The following CYRIB variants were observed in gnomAD, a reference collection of about 807,000 sequenced individuals.
CYRIB encodes CYFIP-related Rac1 interactor B.
Under a neutral mutation model 44.2 loss-of-function variants are expected in CYRIB, and 8 were observed. The observed-to-expected ratio is 0.18, with a 90% CI of 0.11 to 0.33. CYRIB has a LOEUF of 0.33. CYRIB is among the 10% of genes least tolerant of loss of function. The pLI is 1.00. For missense variants in CYRIB, 185 were observed against 382.8 expected (o/e 0.48, Z 4.31); for synonymous variants, 131 against 127.2 (o/e 1.03, Z -0.20).
At chr8:129,942,196 G>A (rs1248488668), upstream of CYRIB, among the ~76,000 whole-genome samples, 1 of 152,120 alleles carries the variant, frequency 6.6e-6, no homozygotes, top group Admixed American at 6.5e-5. Context: ...AAAATTAGCT[G>A]GGCGTGGTGG....
Position 129,877,696 on chromosome 8 carries a change from G to A in CYRIB, c.73+1693C>T, listed in dbSNP as rs1422070364. 4.9e-5 allele frequency among the ~76,000 whole-genome samples: 7 copies of A among 142,082 alleles called. 1 individual carries two copies. In the South Asian group the frequency reaches 1.4e-3, roughly 28 times the overall value. 93.2% of individuals were successfully genotyped at this position (142,082 alleles called of 152,430 possible). A position where few individuals can be genotyped will look rare whatever the true frequency, so the allele number is the denominator to read the frequency against. On this transcript the variant is annotated intron_variant, in intron 3 of 11. Transcript: ENST00000519824. ...TGTGTGTGTGTGTGTGTGTGTGTGTGTATAAAATGATCCAAACACTCCCAC... is the reference window on the plus strand; with the variant it reads ...TGTGTGTGTGTGTGTGTGTGTGTGTATATAAAATGATCCAAACACTCCCAC...
intron 1 of CYRIB, among the ~76,000 whole-genome samples, chr8:129,911,177 C>T (rs1472518384): frequency 6.6e-6 from 1 of 152,160 alleles, no homozygotes; most frequent in East Asian, 1.9e-4. Context: ...CTAAGTACTT[C>T]CTATGTTTTA....
intron 5 of CYRIB, among the ~76,000 whole-genome samples, chr8:129,858,835 T>C (rs1251222027): frequency 6.6e-6 from 1 of 152,194 alleles, no homozygotes; most frequent in Non-Finnish European, 1.5e-5. Flanking sequence ...CCCTTAGGTA[T>C]CTGCCTCAAC....
chr8:129,881,921 C>T (rs961207273), intron 2 of CYRIB, among the ~76,000 whole-genome samples: 1 of 152,144 alleles, frequency 6.6e-6, no homozygotes, highest in East Asian at 1.9e-4. Context: ...AATCATCACA[C>T]CCAAATAATT....
intron 6 of CYRIB, among the ~76,000 whole-genome samples, chr8:129,855,152 C>G (rs1180379010): frequency 6.6e-6 from 1 of 152,096 alleles, no homozygotes; most frequent in Non-Finnish European, 1.5e-5. Context: ...TAAATGAAGA[C>G]TGCTGAGACA....
At position 129,951,705 on chromosome 8, in the gene CYRIB, CAA is replaced by C. The variant is rs35141996; in HGVS notation, c.-243+19236_-243+19237del. On this transcript the variant is annotated intron_variant, in intron 2 of 14. Coordinates refer to the CYRIB transcript ENST00000401979. Reference sequence around the variant, plus strand: ...TGGGTAACAGAGCGAGACTCCATCTCAAAAAAAAAAAAGAAAGAAAATGGTAG... The same window carrying C: ...TGGGTAACAGAGCGAGACTCCATCTCAAAAAAAAAAGAAAGAAAATGGTAG... Among the ~76,000 whole-genome samples, 727 of 144,896 alleles carry C rather than the reference CAA, an allele frequency of 5.0e-3. 3 individuals are homozygous for C. The highest frequency in any genetic ancestry group is 6.7e-3 in the Non-Finnish European group (442 of 65,866).
upstream of CYRIB, among the ~76,000 whole-genome samples, chr8:129,943,001 T>C (rs1404131187): frequency 1.3e-5 from 2 of 152,196 alleles, no homozygotes; most frequent in East Asian, 3.8e-4. Flanking sequence ...TATTTATTAT[T>C]AAATCAGTTT....
intron 1 of CYRIB, among the ~76,000 whole-genome samples, chr8:129,918,121 T>C (rs1187711548): frequency 6.6e-6 from 1 of 152,142 alleles, no homozygotes; most frequent in African/African-American, 2.4e-5. Context: ...CACCCTGTTT[T>C]TAACTATGCA....
chr8:129,926,675 G>C (rs1265982986), intron 1 of CYRIB, among the ~76,000 whole-genome samples: 1 of 152,166 alleles, frequency 6.6e-6, no homozygotes, highest in Non-Finnish European at 1.5e-5. Flanking sequence ...AATGAAGCTG[G>C]ATCCTGAGAT....
intron 1 of CYRIB, among the ~76,000 whole-genome samples, chr8:129,990,968 T>C (rs1239832900): frequency 6.6e-6 from 1 of 151,730 alleles, no homozygotes; most frequent in Non-Finnish European, 1.5e-5. Flanking sequence ...CCATCTCTAC[T>C]AAAAAGACAA....
chr8:129,922,778 G>C (rs533617787), intron 1 of CYRIB, among the ~76,000 whole-genome samples: 35 of 151,794 alleles, frequency 2.3e-4, no homozygotes, highest in African/African-American at 7.7e-4. Flanking sequence ...CAGGAGAATG[G>C]CATGAACCTG....
At chr8:129,855,447 A>C in intron 6 of CYRIB, 164 bp downstream of exon 8, 1 of 674,560 alleles carries the variant, frequency 1.5e-6, no homozygotes. Context: ...TTTGCCATGT[A>C]TCAAAAGACC....
chr8:129,860,925 T>C (rs1448819659), intron 5 of CYRIB, among the ~76,000 whole-genome samples: 1 of 151,848 alleles, frequency 6.6e-6, no homozygotes, highest in Non-Finnish European at 1.5e-5. Flanking sequence ...AAGTAGAAAT[T>C]TTCAAAATTA....
At chr8:129,915,620 C>A (rs958607145) in intron 1 of CYRIB, among the ~76,000 whole-genome samples, 1 of 152,120 alleles carries the variant, frequency 6.6e-6, no homozygotes, top group Non-Finnish European at 1.5e-5. Flanking sequence ...TGTTCATTAT[C>A]TTGATTGTGG....
At chr8:129,984,269 C>T (rs922896734) in intron 1 of CYRIB, among the ~76,000 whole-genome samples, 2 of 152,222 alleles carry the variant, frequency 1.3e-5, no homozygotes, top group Admixed American at 1.3e-4. Flanking sequence ...CTTCCCTCTC[C>T]TTGCAGATGG....
chr8:129,881,033 A>G (rs1269848855), intron 2 of CYRIB, among the ~76,000 whole-genome samples: 1 of 152,246 alleles, frequency 6.6e-6, no homozygotes, highest in Non-Finnish European at 1.5e-5. Context: ...TAACTCTTAG[A>G]CTGAATAATC....
At chr8:129,949,556 G>C (rs2094388696) in intron 2 of CYRIB, among the ~76,000 whole-genome samples, 1 of 152,006 alleles carries the variant, frequency 6.6e-6, no homozygotes, top group Non-Finnish European at 1.5e-5. Flanking sequence ...ATCCCTCAGT[G>C]ACCAAGCTCC....
At chr8:129,899,967 T>G (rs545366688) in intron 2 of CYRIB, among the ~76,000 whole-genome samples, 1 of 152,162 alleles carries the variant, frequency 6.6e-6, no homozygotes, top group Non-Finnish European at 1.5e-5. Flanking sequence ...TGTACACAGC[T>G]TCCCTGGGTT....
chr8:129,853,229 T>C (rs1432258227), intron 7 of CYRIB, among the ~76,000 whole-genome samples: 3 of 152,340 alleles, frequency 2.0e-5, no homozygotes, highest in East Asian at 1.9e-4. Flanking sequence ...AGGATGGGTA[T>C]AGTATAGGAT....
Sources: gnomAD v4.1 joint callset for allele counts (sites outside exome capture counted in the v4.1 genomes callset) on GRCh38, gnomAD v4.1.1 for gene constraint, MANE v1.5 for transcripts, NCBI Gene and HGNC (gene_info 2026-07-23, HGNC 2026-07-21) for gene names.